The following STXBP5L variants were observed in gnomAD, a reference collection of about 807,000 sequenced individuals.
The protein encoded by STXBP5L is syntaxin-binding protein 5-like.
STXBP5L carries 65 observed loss-of-function variants against 144.5 expected under a neutral mutation model. That is an observed-to-expected ratio of 0.45 (90% confidence interval 0.37 to 0.55). STXBP5L has a LOEUF of 0.55. Among genes scored for constraint, STXBP5L ranks in the 20% least tolerant of loss-of-function variants. The pLI, the probability that STXBP5L is intolerant of heterozygous loss-of-function variation, is 0.00. For missense variants in STXBP5L, 1,298 were observed against 1,405.5 expected, an observed-to-expected ratio of 0.92 and a Z score of 1.22; for synonymous variants, 505 against 469.6, an observed-to-expected ratio of 1.08 and a Z score of -0.97.
chr3:121,377,488 A>G lies in STXBP5L; in HGVS notation c.2177-1228A>G, dbSNP rs778623173. 3.5e-4 allele frequency among the ~76,000 whole-genome samples: 54 copies of G among 152,348 alleles called. 3 individuals are homozygous for G. Among genetic ancestry groups the G allele is most frequent in the Admixed American group, 3.1e-3 (48 of 15,296 alleles). On this transcript the variant is annotated intron_variant, in intron 20 of 26. Transcript: ENST00000471454. The stretch of plus-strand genomic sequence containing the variant: ...CTACAAGGAACTTAGACAAATTTAC[A>G]AGAATAAAACAGCCCCATCAAAAAG...
At chr3:120,979,918 G>C (rs1941569500) in intron 3 of STXBP5L, among the ~76,000 whole-genome samples, 1 of 152,072 alleles carries the variant, frequency 6.6e-6, no homozygotes, top group South Asian at 2.1e-4. Context: ...TTAGTATGTT[G>C]TGTTTCTGTT....
chr3:121,133,900 ACTCC>A (rs1276418413), intron 7 of STXBP5L, among the ~76,000 whole-genome samples: 2 of 151,992 alleles, frequency 1.3e-5, no homozygotes, highest in African/African-American at 4.8e-5. Context: ...TCTCATGAGA[ACTCC>A]CTCATTATCA....
At chr3:121,172,122 T>G (rs1236684445) in intron 9 of STXBP5L, among the ~76,000 whole-genome samples, 1 of 151,720 alleles carries the variant, frequency 6.6e-6, no homozygotes, top group Non-Finnish European at 1.5e-5. Flanking sequence ...TTGGGAAAAC[T>G]GGCTAGCCAT....
At chr3:120,922,358 T>C (rs1029219946) in intron 2 of STXBP5L, among the ~76,000 whole-genome samples, 1 of 151,992 alleles carries the variant, frequency 6.6e-6, no homozygotes, top group African/African-American at 2.4e-5. Flanking sequence ...GTTATAACAG[T>C]TTTTTGGTGG....
intron 14 of STXBP5L, among the ~76,000 whole-genome samples, chr3:121,248,712 C>A (rs1223937542): frequency 3.3e-5 from 5 of 152,142 alleles, no homozygotes; most frequent in African/African-American, 1.2e-4. Context: ...GCCATAAATT[C>A]TTTGCCAAGG....
At chr3:121,005,720 T>C (rs1222209151) in intron 3 of STXBP5L, among the ~76,000 whole-genome samples, 1 of 152,246 alleles carries the variant, frequency 6.6e-6, no homozygotes. Context: ...CACACTGCTT[T>C]AAATGTGTCC....
At chr3:121,394,780 A>G (rs890110471) in intron 22 of STXBP5L, among the ~76,000 whole-genome samples, 2 of 151,446 alleles carry the variant, frequency 1.3e-5, no homozygotes, top group Non-Finnish European at 2.9e-5. Flanking sequence ...AATTTTTTGC[A>G]TTTTTTAGTA....
chr3:121,205,998 A>T lies in STXBP5L; in HGVS notation c.953A>T (p.Asn318Ile). The T allele has an allele frequency of 6.7e-7, 1 of 1,498,418 alleles. No homozygotes were observed. The highest frequency in any genetic ancestry group is 1.4e-5 in the African/African-American group (1 of 69,478). 92.8% of individuals were successfully genotyped at this position (1,498,418 alleles called of 1,614,324 possible). ...AAAGTAGAATACAAGACCTGCAAAA[A>T]CAGGTATGCATTTTTACTTTAGGGA... The part of the protein sequence containing the change: ...ILKVEYKTCK[N>I]SEPFIIFSGG... Residue 318 changes from asparagine (N) to isoleucine (I), a missense_variant, in exon 10 of 27, where the codon AAC becomes ATC. Physicochemically the swap from Asn to Ile is moderately radical, Grantham distance 149. Coordinates refer to ENST00000471454, the MANE Select transcript of STXBP5L (RefSeq NM_001308330.2).
intron 4 of STXBP5L, among the ~76,000 whole-genome samples, chr3:121,044,375 T>A (rs1443475759): frequency 1.3e-5 from 2 of 152,182 alleles, no homozygotes; most frequent in Non-Finnish European, 2.9e-5. Context: ...TAGATTCCTA[T>A]CTTCTCTCTT....
chr3:121,024,382 A>T (rs911421401), intron 3 of STXBP5L, among the ~76,000 whole-genome samples: 1 of 152,186 alleles, frequency 6.6e-6, no homozygotes, highest in African/African-American at 2.4e-5. Context: ...GGAATTCTTT[A>T]GTCCTACCAC....
chr3:121,150,061 A>G (rs2045876033), intron 7 of STXBP5L, among the ~76,000 whole-genome samples: 1 of 152,010 alleles, frequency 6.6e-6, no homozygotes, highest in African/African-American at 2.4e-5. Flanking sequence ...TTACCTACAG[A>G]TATATTTTTT....
intron 6 of STXBP5L, among the ~76,000 whole-genome samples, chr3:121,117,450 C>A (rs1013045650): frequency 2.6e-5 from 4 of 151,738 alleles, no homozygotes; most frequent in African/African-American, 4.8e-5. Context: ...ATTTTAAATG[C>A]CAATTTCCAA....
intron 2 of STXBP5L, among the ~76,000 whole-genome samples, chr3:120,942,372 A>G (rs1292048493): frequency 6.6e-6 from 1 of 151,620 alleles, no homozygotes; most frequent in Non-Finnish European, 1.5e-5. Flanking sequence ...AAACATTGAG[A>G]TATATGAATA....
intron 20 of STXBP5L, among the ~76,000 whole-genome samples, chr3:121,353,066 G>A (rs141587941): frequency 6.6e-5 from 10 of 152,118 alleles, no homozygotes; most frequent in Non-Finnish European, 1.5e-4. Context: ...TTTTGATGTG[G>A]TGCTGGATTC....
chr3:121,091,857 A>G (rs1256375319), intron 5 of STXBP5L, among the ~76,000 whole-genome samples: 2 of 152,144 alleles, frequency 1.3e-5, no homozygotes, highest in Non-Finnish European at 2.9e-5. Flanking sequence ...GCCCATGCCT[A>G]TGTCCTGAAT....
chr3:120,953,799 C>G (rs1009349654), intron 2 of STXBP5L, among the ~76,000 whole-genome samples: 1 of 152,010 alleles, frequency 6.6e-6, no homozygotes, highest in Non-Finnish European at 1.5e-5. Flanking sequence ...TGTCTTACTT[C>G]TTTTTCTTGT....
chr3:120,977,526 A>T (rs1941208962), intron 3 of STXBP5L, among the ~76,000 whole-genome samples: 1 of 152,134 alleles, frequency 6.6e-6, no homozygotes, highest in Non-Finnish European at 1.5e-5. Flanking sequence ...TTTTAATTGT[A>T]GCATTTAGTC....
At chr3:121,226,114 T>C (rs762265363) in intron 11 of STXBP5L, among the ~76,000 whole-genome samples, 2 of 152,212 alleles carry the variant, frequency 1.3e-5, no homozygotes, top group Non-Finnish European at 2.9e-5. Context: ...TTTTCCAATA[T>C]GGTATTGTGG....
chr3:121,256,320 A>G (rs564279416), intron 16 of STXBP5L, among the ~76,000 whole-genome samples: 2 of 152,168 alleles, frequency 1.3e-5, no homozygotes, highest in South Asian at 4.1e-4. Flanking sequence ...TGATATTCCC[A>G]TAATGACATT....
Sources: allele counts gnomAD v4.1 joint callset (sites outside exome capture counted in the v4.1 genomes callset), GRCh38; gene constraint gnomAD v4.1.1; transcripts MANE v1.5; gene names NCBI Gene and HGNC (gene_info 2026-07-23, HGNC 2026-07-21).